Variants in PBX4 observed in about 807,000 individuals in gnomAD.
PBX4 encodes PBX homeobox 4.
A neutral mutation model predicts 35.1 loss-of-function variants in PBX4; 26 were observed. The ratio of observed to expected loss-of-function variants is 0.74; its 90% CI spans 0.54 to 1.03. PBX4 has a LOEUF of 1.03. Ranked by LOEUF, PBX4 falls within the 50% of genes least tolerant of loss-of-function variation. PBX4 has a pLI of 0.00. For synonymous variants in PBX4, 199 were observed against 204.2 expected (o/e 0.97, Z 0.22); for missense variants, 448 against 504.3 (o/e 0.89, Z 1.07).
chr19:19,598,297 C>CTTTT (rs34977299), intron 2 of PBX4, among the ~76,000 whole-genome samples: 3 of 129,246 alleles, frequency 2.3e-5, no homozygotes, highest in South Asian at 2.4e-4. Context: ...CTTTTCTTTC[C>CTTTT]TTTTTTTTTT....
In PBX4 at chr19:19,563,378, C is replaced by T. The variant is rs969219550; in HGVS notation, c.1032+131G>A. ...CAGAGCTGTGCCCCAGAGGTGGCCG[C>T]GCAGCATGGCCTGTGTGGCTGCTGG... On this transcript the variant is annotated intron_variant, in intron 7 of 7. Transcript: ENST00000251203. The surrounding 1 kb of genome is among the most constrained non-coding windows in gnomAD (Gnocchi z 5.1). 95 of 681,214 alleles carry T rather than the reference C, an allele frequency of 1.4e-4. No homozygotes were observed. The highest frequency in any genetic ancestry group is 1.4e-3 in the African/African-American group (75 of 54,944). The allele number at this position is 681,214 out of a possible 1,614,324, so 42.2% of individuals were successfully genotyped here. A position where few individuals can be genotyped will look rare whatever the true frequency, so the allele number is the denominator to read the frequency against.
At chr19:19,609,549 GA>G (rs11300224) in intron 1 of PBX4, among the ~76,000 whole-genome samples, 25,726 of 84,812 alleles carry the variant, frequency 0.3, 2,696 homozygotes, top group Middle Eastern at 0.38. Flanking sequence ...AAATCCATAT[GA>G]AAAAAAAAAA....
In PBX4 at chr19:19,569,561, T is replaced by G. The variant is rs1044494570; in HGVS notation, c.656A>C (p.Lys219Thr). Residue 219 changes from lysine (K) to threonine (T), a missense_variant, in exon 5 of 8, where the codon AAG (lysine) becomes ACG (threonine). Transcript: ENST00000251203. ...CTCATTCAGCACTTCCGTCGCCTGC[T>G]TGCTGAAATTCCGCCGCTTGCGCCT... ...DARRKRRNFSKQATEVLNEYF... is the reference protein window; with the variant it reads ...DARRKRRNFSTQATEVLNEYF... The G allele has an allele frequency of 1.2e-6, 2 of 1,613,714 alleles. No homozygotes were observed. Among genetic ancestry groups the G allele is most frequent in the African/African-American group, 2.7e-5 (2 of 75,036 alleles).
intron 1 of PBX4, among the ~76,000 whole-genome samples, chr19:19,611,563 C>T (rs1264895709): frequency 6.6e-6 from 1 of 151,408 alleles, no homozygotes; most frequent in Admixed American, 6.6e-5. Flanking sequence ...CCTGTAATCC[C>T]AGCTACTTGG....
intron 5 of PBX4, among the ~76,000 whole-genome samples, chr19:19,567,918 C>A (rs2061353239): frequency 6.6e-6 from 1 of 151,500 alleles, no homozygotes; most frequent in Admixed American, 6.6e-5. Flanking sequence ...CACCTGTATC[C>A]CTCAGGCAGC....
chr19:19,618,673 T>G lies in PBX4; in HGVS notation c.-44A>C, dbSNP rs1285017089. 4 of 1,185,852 alleles carry G rather than the reference T, an allele frequency of 3.4e-6. No individual in the cohort carries two copies. In the African/African-American group the frequency reaches 4.8e-5, roughly 14 times the overall value. The allele number at this position is 1,185,852 out of a possible 1,614,324, so 73.5% of individuals were successfully genotyped here. ...GGCGCTGTGAGGGTGCCGTCGAGCCTGGAGCACTACCACTGGCGCCGCAGC... is the reference window on the plus strand; with the variant it reads ...GGCGCTGTGAGGGTGCCGTCGAGCCGGGAGCACTACCACTGGCGCCGCAGC... On this transcript the variant is annotated 5_prime_UTR_variant, in exon 1 of 8. Coordinates refer to ENST00000251203, the MANE Select transcript of PBX4 (RefSeq NM_025245.3).
chr19:19,602,047 C>T (rs2061600987), intron 1 of PBX4, among the ~76,000 whole-genome samples: 1 of 151,816 alleles, frequency 6.6e-6, no homozygotes, highest in South Asian at 2.1e-4. Flanking sequence ...GTTATGTTGC[C>T]CAGGCTGCGC....
chr19:19,582,178 C>T (rs189777906), intron 2 of PBX4, among the ~76,000 whole-genome samples: 116 of 152,314 alleles, frequency 7.6e-4, no homozygotes, highest in Non-Finnish European at 1.5e-3. Flanking sequence ...CAGCTCCAAT[C>T]TAGCTTCCCA....
At chr19:19,577,215 C>T (rs950329064) in intron 2 of PBX4, among the ~76,000 whole-genome samples, 1 of 150,126 alleles carries the variant, frequency 6.7e-6, no homozygotes, top group Non-Finnish European at 1.5e-5. Context: ...AAAAAAAACT[C>T]TCAAATTAAA....
intron 5 of PBX4, among the ~76,000 whole-genome samples, chr19:19,566,181 A>T (rs2061340564): frequency 6.6e-6 from 1 of 152,190 alleles, no homozygotes; most frequent in Non-Finnish European, 1.5e-5. Context: ...CTCTGACTGC[A>T]AACTGGCACT....
At chr19:19,585,870 T>G (rs2144743524) in intron 2 of PBX4, among the ~76,000 whole-genome samples, 1 of 152,326 alleles carries the variant, frequency 6.6e-6, no homozygotes, top group African/African-American at 2.4e-5. Flanking sequence ...CCCACCACCC[T>G]TTGCTGACTC....
intron 1 of PBX4, among the ~76,000 whole-genome samples, chr19:19,614,170 T>A (rs2061676839): frequency 6.6e-6 from 1 of 151,250 alleles, no homozygotes; most frequent in Admixed American, 6.6e-5. Flanking sequence ...CCACAAAAAA[T>A]ACAAAAATTA....
rs1172043422 is a variant in PBX4 at position 19,570,177 on chromosome 19, G to T, written c.564C>A (p.Ile188=). The T allele has an allele frequency of 6.2e-6, 10 of 1,613,888 alleles. No homozygotes were observed. The Admixed American group carries it at 1.3e-4, about 22-fold the overall frequency. Residue 188 remains isoleucine, a synonymous_variant, in exon 4 of 8, where the codon ATC becomes ATA. Transcript: ENST00000251203. The stretch of plus-strand genomic sequence containing the variant: ...AGGTGCTCTGCTTCAACTGCATCTG[G>T]ATGGCGCTGAACTTGCCGTGAATGG... ...VGAIHGKFSA[I]QMQLKQSTCE...
At chr19:19,580,922 G>A (rs1267377676) in intron 2 of PBX4, among the ~76,000 whole-genome samples, 2 of 152,186 alleles carry the variant, frequency 1.3e-5, no homozygotes, top group African/African-American at 4.8e-5. Flanking sequence ...TTGTAGAGAC[G>A]AGGTTTTGCC....
intron 2 of PBX4, among the ~76,000 whole-genome samples, chr19:19,571,418 G>C (rs1243774695): frequency 6.6e-6 from 1 of 152,196 alleles, no homozygotes; most frequent in Non-Finnish European, 1.5e-5. Flanking sequence ...TTTAAGCAGA[G>C]AAACAAGATA....
chr19:19,609,961 G>A (rs2061654352), intron 1 of PBX4, among the ~76,000 whole-genome samples: 1 of 152,222 alleles, frequency 6.6e-6, no homozygotes, highest in Non-Finnish European at 1.5e-5. Context: ...ATCAACCACT[G>A]TGTTCTGATA....
chr19:19,562,203 G>A lies in PBX4; in HGVS notation c.1033-86C>T, dbSNP rs933159052. On this transcript the variant is annotated intron_variant, in intron 7 of 7. Coordinates refer to ENST00000251203, the MANE Select transcript of PBX4 (RefSeq NM_025245.3). The surrounding 1 kb of genome is among the most constrained non-coding windows in gnomAD (Gnocchi z 4.8). ...CACGTGCTGCAGGCGGAGCCTCCAGGGGTCCCTGGGAAGGCTTGGAAAAGA... is the reference window on the plus strand; with the variant it reads ...CACGTGCTGCAGGCGGAGCCTCCAGAGGTCCCTGGGAAGGCTTGGAAAAGA... 69 of 990,848 alleles carry A rather than the reference G, an allele frequency of 7.0e-5. No individual in the cohort carries two copies. Among genetic ancestry groups the A allele is most frequent in the Non-Finnish European group, 9.8e-5 (66 of 676,836 alleles). 61.4% of individuals were successfully genotyped at this position (990,848 alleles called of 1,614,324 possible). A position where few individuals can be genotyped will look rare whatever the true frequency, so the allele number is the denominator to read the frequency against.
intron 1 of PBX4, among the ~76,000 whole-genome samples, chr19:19,617,262 C>T (rs34096655): frequency 0.18 from 27,717 of 151,984 alleles, 3,199 homozygotes; most frequent in East Asian, 0.28. Context: ...GTGATCCTCC[C>T]ACTGGGAGGC....
In PBX4 at chr19:19,561,774, A is replaced by C. The variant is rs1238133807; in HGVS notation, c.*251T>G. ...GCCCAGTCCTAGAACAGACAATTCA[A>C]TTCATAGCGTTACCATAAAATTACT... On this transcript the variant is annotated 3_prime_UTR_variant, in exon 8 of 8. Coordinates refer to ENST00000251203, the MANE Select transcript of PBX4 (RefSeq NM_025245.3). 6.9e-6 allele frequency: 3 copies of C among 435,016 alleles called. No homozygotes were observed. The highest frequency in any genetic ancestry group is 2.0e-5 in the African/African-American group (1 of 49,384). The allele number at this position is 435,016 out of a possible 1,614,324, so 26.9% of individuals were successfully genotyped here.
Sources: allele counts gnomAD v4.1 joint callset (sites outside exome capture counted in the v4.1 genomes callset), GRCh38; gene constraint gnomAD v4.1.1; non-coding constraint Gnocchi (gnomAD v3.1); transcripts MANE v1.5; gene names NCBI Gene and HGNC (gene_info 2026-07-23, HGNC 2026-07-21).